The following JCAD variants were observed in gnomAD, a reference collection of about 807,000 sequenced individuals.
The protein encoded by JCAD is junctional cadherin 5-associated protein.
In JCAD, 40 loss-of-function variants were observed where a neutral mutation model predicts 98.0. The ratio of observed to expected loss-of-function variants is 0.41; its 90% CI spans 0.32 to 0.53. The LOEUF (loss-of-function observed/expected upper bound fraction) is 0.53. Among genes scored for constraint, JCAD ranks in the 20% least tolerant of loss-of-function variants. The pLI is 0.31. For synonymous variants in JCAD, 691 were observed against 682.3 expected, an observed-to-expected ratio of 1.01 and a Z score of -0.20; for missense variants, 1,705 against 1,738.1, an observed-to-expected ratio of 0.98 and a Z score of 0.34.
chr10:30,048,076 C>T (rs1837392314), intron 1 of JCAD, among the ~76,000 whole-genome samples: 1 of 152,186 alleles, frequency 6.6e-6, no homozygotes, highest in South Asian at 2.1e-4. Context: ...GGCTCTGACT[C>T]TAAATGATGT....
chr10:30,104,860 A>C (rs1376525842), intron 1 of JCAD, among the ~76,000 whole-genome samples: 1 of 151,848 alleles, frequency 6.6e-6, no homozygotes, highest in African/African-American at 2.4e-5. Flanking sequence ...AGAAGAGCGG[A>C]GGGTTGGGGG....
At position 30,014,142 on chromosome 10, in the gene JCAD, T is replaced by C. The variant is rs1381987405; in HGVS notation, c.*3741A>G. ...AAGGACCTCCCGCCATGCAGATTCT[T>C]AAAGGTCACTGGAATGTGTCTCTTA... is the stretch of plus-strand genomic sequence containing the variant. On this transcript the variant is annotated 3_prime_UTR_variant, in exon 4 of 4. Coordinates refer to ENST00000375377, the MANE Select transcript of JCAD (RefSeq NM_020848.4). 2 of 152,200 alleles carry C rather than the reference T, an allele frequency of 1.3e-5. No homozygotes were observed. Among genetic ancestry groups the C allele is most frequent in the African/African-American group, 2.4e-5 (1 of 41,436 alleles). 9.4% of individuals were successfully genotyped at this position (152,200 alleles called of 1,614,324 possible). A position where few individuals can be genotyped will look rare whatever the true frequency, so the allele number is the denominator to read the frequency against.
rs770495867 is a variant in JCAD at position 30,027,849 on chromosome 10, T to G, written c.2299A>C (p.Thr767Pro). The change falls in exon 3 of 4, where the codon ACT becomes CCT. Residue 767 changes from threonine to proline, a missense_variant. Around this residue, in one of 3 missense-constraint regions of JCAD, gnomAD observed 1,278 missense variants for 1,243.1 expected, o/e 1.03. Transcript: ENST00000375377. ...GGTGCCTGGTCCACGGACAAGGAAGTCCTTGAGAACGCACTGTTGCTGGAT... is the reference window on the plus strand; with the variant it reads ...GGTGCCTGGTCCACGGACAAGGAAGGCCTTGAGAACGCACTGTTGCTGGAT... ...SPSSNSAFSR[T>P]SLSVDQAPTP... is the part of the protein sequence containing the mutation. 1.2e-6 allele frequency: 2 copies of G among 1,614,228 alleles called. No homozygotes were observed. The highest frequency in any genetic ancestry group is 1.7e-6 in the Non-Finnish European group (2 of 1,180,038).
intron 3 of JCAD, among the ~76,000 whole-genome samples, chr10:30,020,280 T>C (rs1589674431): frequency 7.6e-6 from 1 of 131,462 alleles, no homozygotes; most frequent in Non-Finnish European, 1.5e-5. Flanking sequence ...TGAGCTGAGA[T>C]CGCACCACTG....
chr10:30,040,536 T>C (rs577315769), intron 2 of JCAD, among the ~76,000 whole-genome samples: 1 of 152,362 alleles, frequency 6.6e-6, no homozygotes, highest in Admixed American at 6.5e-5. Context: ...TTCATTTACT[T>C]ATTCATTTAT....
At chr10:30,089,053 T>C (rs186806862) in intron 1 of JCAD, among the ~76,000 whole-genome samples, 3 of 152,282 alleles carry the variant, frequency 2.0e-5, no homozygotes, top group African/African-American at 7.2e-5. Context: ...TTAGAAACCA[T>C]TGATGACAGA....
chr10:30,103,878 T>G (rs532250924), intron 1 of JCAD, among the ~76,000 whole-genome samples: 111 of 152,138 alleles, frequency 7.3e-4, no homozygotes, highest in African/African-American at 2.6e-3. Flanking sequence ...ATTACAGGCA[T>G]GCACCATCAC....
At chr10:30,062,813 C>T (rs549231430), upstream of JCAD, among the ~76,000 whole-genome samples, 1 of 152,230 alleles carries the variant, frequency 6.6e-6, no homozygotes, top group Non-Finnish European at 1.5e-5. Flanking sequence ...TTACCTCCCA[C>T]TGGGTCCCTC....
intron 1 of JCAD, among the ~76,000 whole-genome samples, chr10:30,114,009 G>A (rs1000870070): frequency 1.3e-5 from 2 of 152,086 alleles, no homozygotes. Flanking sequence ...TTGTGTCTAC[G>A]ACTCGTCAGC....
chr10:30,064,912 C>T (rs754561481), intron 2 of JCAD, among the ~76,000 whole-genome samples: 4 of 152,182 alleles, frequency 2.6e-5, no homozygotes, highest in Admixed American at 6.5e-5. Flanking sequence ...CCTCGTGATC[C>T]ACCCGCCTTG....
At chr10:30,047,440 G>C in intron 2 of JCAD, 92 bp downstream of exon 2, 2 of 1,451,420 alleles carry the variant, frequency 1.4e-6, no homozygotes, top group Middle Eastern at 2.6e-4. Context: ...CTTGGCCCTG[G>C]CCAAATATAG....
In JCAD at chr10:30,028,348, G is replaced by C. The variant is rs754582507; in HGVS notation, c.1800C>G (p.Asn600Lys). 4.3e-6 allele frequency: 7 copies of C among 1,614,058 alleles called. No individual in the cohort carries two copies. The highest frequency in any genetic ancestry group is 5.9e-6 in the Non-Finnish European group (7 of 1,180,040). ...GATCAGCACTGGGCTTTAAGTCATT[G>C]TTGTCCATATCTCTATCTGGCAGAT... is the stretch of plus-strand genomic sequence containing the variant. ...ESHLPDRDMD[N>K]NDLKPSADQK... The change falls in exon 3 of 4, where the codon AAC becomes AAG. Residue 600 changes from asparagine to lysine, a missense_variant. Physicochemically the swap from Asn to Lys is moderately conservative, Grantham distance 94 (BLOSUM62 0). This residue lies in a region of JCAD where 1,278 missense variants were observed against 1,243.1 expected (regional missense o/e 1.03). Coordinates refer to ENST00000375377, the MANE Select transcript of JCAD (RefSeq NM_020848.4).
chr10:30,036,546 G>A (rs1429406610), intron 2 of JCAD, among the ~76,000 whole-genome samples: 3 of 152,190 alleles, frequency 2.0e-5, no homozygotes, highest in African/African-American at 7.2e-5. Context: ...GTCCTCATGA[G>A]CCACACTGAC....
At chr10:30,077,135 G>T (rs2132677660) in intron 1 of JCAD, among the ~76,000 whole-genome samples, 1 of 152,310 alleles carries the variant, frequency 6.6e-6, no homozygotes, top group South Asian at 2.1e-4. Flanking sequence ...GCTTCACAGA[G>T]TCTGAGTGTC....
chr10:30,058,417 A>G (rs1837625563), intron 1 of JCAD, among the ~76,000 whole-genome samples: 1 of 151,994 alleles, frequency 6.6e-6, no homozygotes, highest in Admixed American at 6.6e-5. Context: ...TGCCCAAGCT[A>G]ATTCCCCCAA....
rs1419521802 is a variant in JCAD, at chr10:30,013,742, A to G, written c.*4141T>C. Reference sequence around the variant, plus strand: ...AAAGCATGGGGATGAACGGCCAGACAATCTGGGCTTGCCTTTGGGTTTAAG... The same window carrying G: ...AAAGCATGGGGATGAACGGCCAGACGATCTGGGCTTGCCTTTGGGTTTAAG... On this transcript the variant is annotated 3_prime_UTR_variant, in exon 4 of 4. Transcript: ENST00000375377. 8 of 152,246 alleles carry G rather than the reference A, an allele frequency of 5.3e-5. No individual in the cohort carries two copies. In the South Asian group the frequency reaches 1.7e-3, roughly 32 times the overall value. The allele number at this position is 152,246 out of a possible 1,614,324, so 9.4% of individuals were successfully genotyped here.
At chr10:30,065,193 C>T (rs1022502353) in intron 2 of JCAD, among the ~76,000 whole-genome samples, 1 of 152,222 alleles carries the variant, frequency 6.6e-6, no homozygotes, top group Non-Finnish European at 1.5e-5. Flanking sequence ...TATATCAGTA[C>T]GGTGTCTATA....
chr10:30,034,005 C>A (rs1384011471), intron 2 of JCAD, among the ~76,000 whole-genome samples: 1 of 152,002 alleles, frequency 6.6e-6, no homozygotes, highest in Admixed American at 6.6e-5. Flanking sequence ...GGTGGATCAC[C>A]TGAGGTCAGA....
At chr10:30,084,137 G>A (rs1838130593) in intron 1 of JCAD, among the ~76,000 whole-genome samples, 1 of 149,116 alleles carries the variant, frequency 6.7e-6, no homozygotes, top group African/African-American at 2.5e-5. Context: ...GAAAAAGGAA[G>A]AGAAAAGAAA....
Sources: gnomAD v4.1 joint callset for allele counts (sites outside exome capture counted in the v4.1 genomes callset) on GRCh38, gnomAD v4.1.1 for gene constraint, gnomAD v4.1.1 regional missense constraint, MANE v1.5 for transcripts, NCBI Gene and HGNC (gene_info 2026-07-23, HGNC 2026-07-21) for gene names.